ITGA11: variants seen among roughly 807,000 people sequenced by gnomAD.
The protein encoded by ITGA11 is integrin subunit alpha 11.
A neutral mutation model predicts 141.9 loss-of-function variants in ITGA11; 97 were observed. The observed-to-expected ratio is 0.68, with a 90% confidence interval of 0.58 to 0.81. The LOEUF (loss-of-function observed/expected upper bound fraction) is 0.81, where lower values mean the gene tolerates loss of function less well. Ranked by LOEUF, ITGA11 falls within the 30% of genes least tolerant of loss-of-function variation. The pLI, the probability that ITGA11 is intolerant of heterozygous loss-of-function variation, is 0.00. For missense variants in ITGA11, 1,387 were observed against 1,559.2 expected, an observed-to-expected ratio of 0.89 and a Z score of 1.86; for synonymous variants, 658 against 624.6, an observed-to-expected ratio of 1.05 and a Z score of -0.80.
At chr15:68,334,943 G>A (rs1457499580) in intron 12 of ITGA11, among the ~76,000 whole-genome samples, 2 of 152,176 alleles carry the variant, frequency 1.3e-5, no homozygotes, top group Non-Finnish European at 2.9e-5. Flanking sequence ...GGAATGGCAG[G>A]AGGGTGGCGC....
At chr15:68,405,804 T>C (rs72745271) in intron 1 of ITGA11, among the ~76,000 whole-genome samples, 175 of 152,118 alleles carry the variant, frequency 1.2e-3, no homozygotes, top group Non-Finnish European at 2.0e-3. Context: ...TGAAGGAGTG[T>C]TGCAGTGGCA....
intron 1 of ITGA11, among the ~76,000 whole-genome samples, chr15:68,414,974 A>G (rs2140428940): frequency 6.6e-6 from 1 of 152,208 alleles, no homozygotes; most frequent in East Asian, 1.9e-4. Context: ...AGAAAACTTA[A>G]CCAAACTTGG....
intron 1 of ITGA11, among the ~76,000 whole-genome samples, chr15:68,411,770 G>T (rs1000198368): frequency 1.3e-5 from 2 of 152,182 alleles, no homozygotes; most frequent in Non-Finnish European, 2.9e-5. Flanking sequence ...TTGACTTTGG[G>T]CTAGGCCATC....
At position 68,321,621 on chromosome 15, in the gene ITGA11, C is replaced by G. The variant is rs1051715657; in HGVS notation, c.2323-118G>C. 2 of 524,694 alleles carry G rather than the reference C, an allele frequency of 3.8e-6. No homozygotes were observed. Among genetic ancestry groups the G allele is most frequent in the African/African-American group, 2.0e-5 (1 of 49,614 alleles). 32.5% of individuals were successfully genotyped at this position (524,694 alleles called of 1,614,324 possible). A position where few individuals can be genotyped will look rare whatever the true frequency, so the allele number is the denominator to read the frequency against. Reference sequence around the variant, plus strand: ...CATGGGCTGGCTTTCCTGCACTGTCCCCAGACACCACACTGCTCTGTCTTG... The same window carrying G: ...CATGGGCTGGCTTTCCTGCACTGTCGCCAGACACCACACTGCTCTGTCTTG... On this transcript the variant is annotated intron_variant, in intron 18 of 29. Transcript: ENST00000315757. The surrounding 1 kb of genome is among the most constrained non-coding windows in gnomAD (Gnocchi z 4.9).
Position 68,325,090 on chromosome 15 carries a change from G to A in ITGA11, c.2322+41C>T. 1 of 1,415,752 alleles carries A rather than the reference G, an allele frequency of 7.1e-7. No homozygotes were observed. 87.7% of individuals were successfully genotyped at this position (1,415,752 alleles called of 1,614,324 possible). ...TTGGGGTTGAGGTGGAGGTGGGGGT[G>A]GGGTTCATGCCCGAGGTGCGTGCCC... On this transcript the variant is annotated intron_variant, in intron 18 of 29. Coordinates refer to ENST00000315757, the MANE Select transcript of ITGA11 (RefSeq NM_001004439.2). The surrounding 1 kb of genome is among the most constrained non-coding windows in gnomAD (Gnocchi z 5.5).
chr15:68,329,367 T>G (rs143120802), intron 15 of ITGA11, among the ~76,000 whole-genome samples: 1 of 152,208 alleles, frequency 6.6e-6, no homozygotes, highest in Non-Finnish European at 1.5e-5. Context: ...TTCTGCTTAA[T>G]TGGTGTGGGT....
At chr15:68,412,742 C>A (rs1349301043) in intron 1 of ITGA11, among the ~76,000 whole-genome samples, 2 of 122,062 alleles carry the variant, frequency 1.6e-5, no homozygotes, top group Non-Finnish European at 3.2e-5. Context: ...ATGGTGTAAT[C>A]TCGGCTCACT....
chr15:68,371,445 G>A (rs1895586701), intron 2 of ITGA11, among the ~76,000 whole-genome samples: 2 of 152,222 alleles, frequency 1.3e-5, no homozygotes, highest in South Asian at 4.1e-4. Context: ...GGGTGCAGTG[G>A]CTCATGCCTG....
chr15:68,310,958 C>G lies in ITGA11; in HGVS notation c.3174+36G>C, dbSNP rs896175831. 3 of 1,539,014 alleles carry G rather than the reference C, an allele frequency of 1.9e-6. 1 individual carries two copies. In the South Asian group the frequency reaches 3.5e-5, roughly 18 times the overall value. ...GAGCACCGGCGGCACGCCTCTAACC[C>G]CAACCACTGTGGCTCTCGGTCTGGG... On this transcript the variant is annotated intron_variant, in intron 26 of 29. Transcript: ENST00000315757.
intron 15 of ITGA11, among the ~76,000 whole-genome samples, chr15:68,329,584 T>C (rs1466918421): frequency 1.3e-5 from 2 of 152,214 alleles, no homozygotes; most frequent in Admixed American, 6.5e-5. Context: ...GGGGTGTGTG[T>C]GCACATGTGT....
chr15:68,318,809 C>G (rs1008315867), intron 20 of ITGA11, among the ~76,000 whole-genome samples: 1 of 152,166 alleles, frequency 6.6e-6, no homozygotes, highest in Non-Finnish European at 1.5e-5. Context: ...TCTTGCCTGG[C>G]ACACTGGGTT....
rs1181207291 is a variant in ITGA11 at position 68,326,126 on chromosome 15, G to T, written c.2211+528C>A. Among the ~76,000 whole-genome samples, 3 of 152,238 alleles carry T rather than the reference G, an allele frequency of 2.0e-5. No individual in the cohort carries two copies. Among genetic ancestry groups the T allele is most frequent in the African/African-American group, 7.2e-5 (3 of 41,458 alleles). On this transcript the variant is annotated intron_variant, in intron 17 of 29. Coordinates refer to ENST00000315757, the MANE Select transcript of ITGA11 (RefSeq NM_001004439.2). The surrounding 1 kb of genome is among the most constrained non-coding windows in gnomAD (Gnocchi z 6.8). ...AGGAGGGCTCTGAGTGACCCTGCTT[G>T]CATCTCTGGGGCTGGAGCTGTGAGC...
Position 68,432,139 on chromosome 15 carries a change from C to G in ITGA11, c.-73G>C. 2 of 1,172,908 alleles carry G rather than the reference C, an allele frequency of 1.7e-6. No individual in the cohort carries two copies. The allele number at this position is 1,172,908 out of a possible 1,614,324, so 72.7% of individuals were successfully genotyped here. ...CGGCAAGCCAGAGCGGCAGCCTCCT[C>G]GGCGCGGCGCCTGCAGCCTGCACTG... On this transcript the variant is annotated 5_prime_UTR_variant, in exon 1 of 30. Coordinates refer to ENST00000315757, the MANE Select transcript of ITGA11 (RefSeq NM_001004439.2).
chr15:68,424,093 C>T (rs1480295091), intron 1 of ITGA11, among the ~76,000 whole-genome samples: 2 of 152,234 alleles, frequency 1.3e-5, no homozygotes, highest in African/African-American at 2.4e-5. Flanking sequence ...TTTCTGGTCT[C>T]CCCCTTGGGG....
intron 18 of ITGA11, among the ~76,000 whole-genome samples, chr15:68,323,359 G>A (rs1352884201): frequency 3.3e-5 from 5 of 152,192 alleles, no homozygotes; most frequent in Admixed American, 3.3e-4. Flanking sequence ...TGTTTAAGAA[G>A]TTTGAGAACT....
rs1470561667 is a variant in ITGA11 at position 68,320,321 on chromosome 15, G to A, written c.2480C>T (p.Thr827Ile). 1 of 1,613,676 alleles carries A rather than the reference G, an allele frequency of 6.2e-7. No individual in the cohort carries two copies. Among genetic ancestry groups the A allele is most frequent in the East Asian group, 2.2e-5 (1 of 44,896 alleles). ...CSAYTLSFDT[T>I]VFIIESTRQR... is the part of the protein sequence containing the mutation. ...GCGTGTGCTCTCTATGATGAAGACTGTGGTGTCGAAGGACAGCGTGTATGC... is the reference window on the plus strand; with the variant it reads ...GCGTGTGCTCTCTATGATGAAGACTATGGTGTCGAAGGACAGCGTGTATGC... The change falls in exon 20 of 30, where the codon ACA (threonine) becomes ATA (isoleucine). Residue 827 changes from threonine (T) to isoleucine (I), a missense_variant. Coordinates refer to ENST00000315757, the MANE Select transcript of ITGA11 (RefSeq NM_001004439.2).
Position 68,361,385 on chromosome 15 carries a change from A to T in ITGA11, c.472+205T>A, listed in dbSNP as rs192830642. Among the ~76,000 whole-genome samples, 26 of 152,214 alleles carry T rather than the reference A, an allele frequency of 1.7e-4. No homozygotes were observed. Among genetic ancestry groups the T allele is most frequent in the Non-Finnish European group, 2.6e-4 (18 of 68,030 alleles). ...CTTAGCTCATTTGCTCTCCACCATC[A>T]CACTTGGGAGAGGGAGGCCAGGATT... On this transcript the variant is annotated intron_variant, in intron 5 of 29. Coordinates refer to ENST00000315757, the MANE Select transcript of ITGA11 (RefSeq NM_001004439.2).
At chr15:68,334,924 A>G (rs1894297157) in intron 12 of ITGA11, among the ~76,000 whole-genome samples, 1 of 152,028 alleles carries the variant, frequency 6.6e-6, no homozygotes. Flanking sequence ...CACCCAAGAG[A>G]CAGGAGGAGG....
At chr15:68,416,415 C>T (rs966544902) in intron 1 of ITGA11, among the ~76,000 whole-genome samples, 1 of 152,186 alleles carries the variant, frequency 6.6e-6, no homozygotes, top group African/African-American at 2.4e-5. Context: ...CGAGCAAGGG[C>T]TGGTGAGAGC....
Sources: allele counts gnomAD v4.1 joint callset (sites outside exome capture counted in the v4.1 genomes callset), GRCh38; gene constraint gnomAD v4.1.1; non-coding constraint Gnocchi (gnomAD v3.1); transcripts MANE v1.5; gene names NCBI Gene and HGNC (gene_info 2026-07-23, HGNC 2026-07-21).